The following CEP85L variants were observed in gnomAD, a reference collection of about 807,000 sequenced individuals.
CEP85L encodes centrosomal protein 85L.
In CEP85L, 60 loss-of-function variants were observed where a neutral mutation model predicts 100.3. The observed-to-expected ratio is 0.60, with a 90% CI of 0.49 to 0.74. CEP85L has a LOEUF of 0.74. CEP85L is among the 30% of genes least tolerant of loss of function. The pLI is 0.00. For missense variants in CEP85L, 973 were observed against 936.2 expected (o/e 1.04, Z -0.51); for synonymous variants, 319 against 322.7 (o/e 0.99, Z 0.12).
At chr6:118,691,779 C>T (rs1266008376) in intron 1 of CEP85L, among the ~76,000 whole-genome samples, 2 of 151,788 alleles carry the variant, frequency 1.3e-5, no homozygotes, top group Non-Finnish European at 2.9e-5. Context: ...ATCATTTAAA[C>T]CTCTGTGCTC....
intron 4 of CEP85L, among the ~76,000 whole-genome samples, chr6:118,522,157 T>C (rs1368178301): frequency 1.3e-5 from 2 of 152,010 alleles, no homozygotes; most frequent in South Asian, 2.1e-4. Context: ...GGTCGGGAGT[T>C]CGAGACCAGC....
chr6:118,496,606 G>A (rs1774944524), intron 5 of CEP85L, among the ~76,000 whole-genome samples: 1 of 152,072 alleles, frequency 6.6e-6, no homozygotes, highest in African/African-American at 2.4e-5. Flanking sequence ...ACCCACCTCG[G>A]CCTCCCAAAG....
At chr6:118,602,829 T>G (rs964196051) in intron 2 of CEP85L, among the ~76,000 whole-genome samples, 2 of 152,128 alleles carry the variant, frequency 1.3e-5, no homozygotes, top group Non-Finnish European at 2.9e-5. Context: ...TAAGACTTTT[T>G]TTTTTTTTGG....
intron 1 of CEP85L, among the ~76,000 whole-genome samples, chr6:118,667,590 GC>G (rs1361211564): frequency 4.6e-5 from 7 of 152,222 alleles, no homozygotes; most frequent in Non-Finnish European, 8.8e-5. Flanking sequence ...TTGGAGTTTT[GC>G]AATTTAATTT....
intron 1 of CEP85L, among the ~76,000 whole-genome samples, chr6:118,674,658 T>C (rs1295778022): frequency 6.6e-6 from 1 of 152,172 alleles, no homozygotes; most frequent in Non-Finnish European, 1.5e-5. Flanking sequence ...GCTATCTGAA[T>C]AGACATTGCT....
chr6:118,558,824 G>A (rs1562260016), intron 3 of CEP85L: 2 of 814,712 alleles, frequency 2.5e-6, no homozygotes, highest in Non-Finnish European at 4.3e-6. Context: ...TTACATTCCA[G>A]GCTACCTAAA....
chr6:118,586,976 TA>T (rs1269247866), intron 2 of CEP85L, among the ~76,000 whole-genome samples: 7 of 152,196 alleles, frequency 4.6e-5, no homozygotes, highest in Admixed American at 2.6e-4. Flanking sequence ...TAACAGGAAG[TA>T]AACATGAGCA....
At chr6:118,638,282 A>G (rs995152731) in intron 1 of CEP85L, among the ~76,000 whole-genome samples, 32 of 152,102 alleles carry the variant, frequency 2.1e-4, no homozygotes, top group Non-Finnish European at 8.8e-5. Flanking sequence ...CTTAACCTTT[A>G]AACATAACTA....
At chr6:118,469,797 T>C (rs1166749282) in intron 11 of CEP85L, among the ~76,000 whole-genome samples, 1 of 152,124 alleles carries the variant, frequency 6.6e-6, no homozygotes, top group Non-Finnish European at 1.5e-5. Context: ...AGAGAGGGTT[T>C]TGTCACATTG....
At chr6:118,469,816 G>C (rs1772809502) in intron 11 of CEP85L, among the ~76,000 whole-genome samples, 1 of 151,976 alleles carries the variant, frequency 6.6e-6, no homozygotes, top group African/African-American at 2.4e-5. Context: ...TGCCTAAGCT[G>C]GTCTCAAACT....
At chr6:118,486,192 A>G (rs1323207799) in intron 6 of CEP85L, among the ~76,000 whole-genome samples, 1 of 150,668 alleles carries the variant, frequency 6.6e-6, no homozygotes, top group Non-Finnish European at 1.5e-5. Flanking sequence ...TTGGTGTTTC[A>G]TTTTTTTTTA....
intron 1 of CEP85L, among the ~76,000 whole-genome samples, chr6:118,697,695 G>A (rs560988617): frequency 9.3e-4 from 141 of 152,300 alleles, no homozygotes; most frequent in African/African-American, 3.2e-3. Flanking sequence ...TGAATGCCAG[G>A]AAGAAGAGCC....
At chr6:118,651,066 G>A in intron 1 of CEP85L, 131 bp downstream of exon 1, 2 of 1,319,766 alleles carry the variant, frequency 1.5e-6, no homozygotes, top group South Asian at 3.5e-5. Flanking sequence ...AGGACACTGG[G>A]CACGCGGCGG....
intron 1 of CEP85L, among the ~76,000 whole-genome samples, chr6:118,660,885 C>CTTTTT (rs57604070): frequency 6.7e-6 from 1 of 149,600 alleles, no homozygotes; most frequent in Non-Finnish European, 1.5e-5. Context: ...TTCTTTTTTT[C>CTTTTT]TTTTTTTTTT....
chr6:118,542,011 C>T (rs1347260634), intron 3 of CEP85L, among the ~76,000 whole-genome samples: 1 of 152,046 alleles, frequency 6.6e-6, no homozygotes, highest in South Asian at 2.1e-4. Context: ...TTAGGAATAA[C>T]AAGTTTACAG....
At chr6:118,562,780 C>T (rs1275809571) in intron 3 of CEP85L, among the ~76,000 whole-genome samples, 1 of 152,130 alleles carries the variant, frequency 6.6e-6, no homozygotes, top group Non-Finnish European at 1.5e-5. Flanking sequence ...TTAATGACTG[C>T]CACCTGAAGT....
intron 2 of CEP85L, among the ~76,000 whole-genome samples, chr6:118,572,093 T>A (rs1341260042): frequency 6.6e-6 from 1 of 152,070 alleles, no homozygotes; most frequent in East Asian, 1.9e-4. Flanking sequence ...CAACCTCATG[T>A]GATCTGCCCG....
At chr6:118,610,904 C>A (rs1165198221) in intron 2 of CEP85L, among the ~76,000 whole-genome samples, 2 of 152,050 alleles carry the variant, frequency 1.3e-5, no homozygotes, top group African/African-American at 4.8e-5. Context: ...AAGCATCAGA[C>A]TAGAAATGTG....
intron 3 of CEP85L, among the ~76,000 whole-genome samples, chr6:118,541,464 T>G (rs976702840): frequency 6.6e-6 from 1 of 152,232 alleles, no homozygotes; most frequent in Non-Finnish European, 1.5e-5. Flanking sequence ...TTTACATCTT[T>G]TGCTTTATAA....
Sources: allele counts gnomAD v4.1 joint callset (sites outside exome capture counted in the v4.1 genomes callset), GRCh38; gene constraint gnomAD v4.1.1; transcripts MANE v1.5; gene names NCBI Gene and HGNC (gene_info 2026-07-23, HGNC 2026-07-21).